ARSJ: variants seen among roughly 807,000 people sequenced by gnomAD.
The protein encoded by ARSJ is arylsulfatase J.
ARSJ carries 26 observed loss-of-function variants against 35.9 expected under a neutral mutation model. The ratio of observed to expected loss-of-function variants is 0.72; its 90% CI spans 0.53 to 1.00. The LOEUF is 1.00. Among genes scored for constraint, ARSJ ranks in the 50% least tolerant of loss-of-function variants. The pLI, the probability that ARSJ is intolerant of heterozygous loss-of-function variation, is 0.00. For missense variants in ARSJ, 667 were observed against 723.6 expected (o/e 0.92, Z 0.90); for synonymous variants, 294 against 267.6 (o/e 1.10, Z -0.96).
Position 113,979,453 on chromosome 4 carries a change from C to T in ARSJ, c.-619G>A, listed in dbSNP as rs1727802173. On this transcript the variant is annotated 5_prime_UTR_variant, in exon 1 of 2. Coordinates refer to ENST00000315366, the MANE Select transcript of ARSJ (RefSeq NM_024590.4). ...GGCGTTTGCCAATCTCCCCGACACT[C>T]ACCAGGCGGCGAAGTGAGGAAGAAG... 6.6e-6 allele frequency: 1 copy of T among 152,436 alleles called. No individual in the cohort carries two copies. The highest frequency in any genetic ancestry group is 1.5e-5 in the Non-Finnish European group (1 of 68,182). The allele number at this position is 152,436 out of a possible 1,614,324, so 9.4% of individuals were successfully genotyped here.
At chr4:113,936,367 C>A (rs1302577058) in intron 1 of ARSJ, among the ~76,000 whole-genome samples, 1 of 151,568 alleles carries the variant, frequency 6.6e-6, no homozygotes, top group Non-Finnish European at 1.5e-5. Context: ...ATACTAAAAA[C>A]CAGAAAAAGA....
chr4:113,935,645 A>G (rs1379100951), intron 1 of ARSJ, among the ~76,000 whole-genome samples: 1 of 151,926 alleles, frequency 6.6e-6, no homozygotes, highest in Non-Finnish European at 1.5e-5. Flanking sequence ...TTAAAAGGTC[A>G]TTGAATGTAT....
chr4:113,968,237 G>A (rs1004215674), intron 1 of ARSJ, among the ~76,000 whole-genome samples: 1 of 152,102 alleles, frequency 6.6e-6, no homozygotes, highest in African/African-American at 2.4e-5. Context: ...TGTCACATAA[G>A]TTCTTTGCTT....
intron 1 of ARSJ, among the ~76,000 whole-genome samples, chr4:113,968,671 T>G (rs1294296763): frequency 6.6e-6 from 1 of 152,210 alleles, no homozygotes; most frequent in African/African-American, 2.4e-5. Flanking sequence ...TGGAAAATTG[T>G]TGGGAGATTG....
chr4:113,924,056 A>AAT (rs1172585833), intron 1 of ARSJ, among the ~76,000 whole-genome samples: 13 of 91,708 alleles, frequency 1.4e-4, no homozygotes, highest in African/African-American at 4.8e-4. Context: ...AATATATATA[A>AAT]ATATATATAA....
intron 1 of ARSJ, among the ~76,000 whole-genome samples, chr4:113,945,312 T>C (rs1388318861): frequency 2.0e-5 from 3 of 152,018 alleles, no homozygotes; most frequent in African/African-American, 7.2e-5. Flanking sequence ...TTGTTTGTAT[T>C]TTTTTGTAGC....
At chr4:113,924,181 C>A (rs1054736128) in intron 1 of ARSJ, among the ~76,000 whole-genome samples, 1 of 148,980 alleles carries the variant, frequency 6.7e-6, no homozygotes, top group Non-Finnish European at 1.5e-5. Flanking sequence ...AGGCTGTCTG[C>A]GAGCTGAAGA....
At chr4:113,968,290 T>C (rs895306761) in intron 1 of ARSJ, among the ~76,000 whole-genome samples, 20 of 152,184 alleles carry the variant, frequency 1.3e-4, no homozygotes, top group Admixed American at 5.9e-4. Context: ...TATATACATA[T>C]AATATTTATG....
At chr4:113,971,376 A>G (rs1382221654) in intron 1 of ARSJ, among the ~76,000 whole-genome samples, 2 of 152,168 alleles carry the variant, frequency 1.3e-5, no homozygotes, top group Admixed American at 6.5e-5. Flanking sequence ...ACCTTTAAGA[A>G]CAGCTATTTC....
At chr4:113,972,609 A>G (rs993776109) in intron 1 of ARSJ, among the ~76,000 whole-genome samples, 1 of 152,130 alleles carries the variant, frequency 6.6e-6, no homozygotes, top group Admixed American at 6.5e-5. Context: ...TCCTGTGCTC[A>G]AGGGATCCTC....
At chr4:113,944,776 C>T (rs953302272) in intron 1 of ARSJ, among the ~76,000 whole-genome samples, 1 of 152,032 alleles carries the variant, frequency 6.6e-6, no homozygotes, top group Non-Finnish European at 1.5e-5. Context: ...AGTAGAGGTA[C>T]AACTGATTTC....
In ARSJ at chr4:113,902,058, T is replaced by C. The variant is rs2099667251; in HGVS notation, c.*216A>G. ...GCAAGAGAAATAAACATCTCCACTC[T>C]CTCTAAGTGTGGCTTGCAAGAGTAG... On this transcript the variant is annotated 3_prime_UTR_variant, in exon 2 of 2. Transcript: ENST00000315366. 1 of 1,439,306 alleles carries C rather than the reference T, an allele frequency of 6.9e-7. No individual in the cohort carries two copies. The highest frequency in any genetic ancestry group is 1.4e-5 in the African/African-American group (1 of 70,674). 89.2% of individuals were successfully genotyped at this position (1,439,306 alleles called of 1,614,324 possible).
intron 1 of ARSJ, among the ~76,000 whole-genome samples, chr4:113,937,219 T>C (rs1376014702): frequency 2.0e-5 from 3 of 151,944 alleles, no homozygotes; most frequent in African/African-American, 7.2e-5. Flanking sequence ...TTATACTTTT[T>C]CCACCACTTC....
At chr4:113,923,734 T>C (rs1723829264) in intron 1 of ARSJ, among the ~76,000 whole-genome samples, 1 of 151,976 alleles carries the variant, frequency 6.6e-6, no homozygotes, top group Non-Finnish European at 1.5e-5. Flanking sequence ...TTCTTAGTTA[T>C]ATTAGCCATA....
chr4:113,968,499 G>T (rs181133942), intron 1 of ARSJ, among the ~76,000 whole-genome samples: 1 of 152,072 alleles, frequency 6.6e-6, no homozygotes, highest in Admixed American at 6.6e-5. Context: ...AGGAGATGAG[G>T]GTGGTAGAGA....
chr4:113,947,611 G>GAGGGAGGAAGGAAGGGAAAGGA (rs1725579784), intron 1 of ARSJ, among the ~76,000 whole-genome samples: 2 of 148,320 alleles, frequency 1.3e-5, no homozygotes, highest in Non-Finnish European at 3.0e-5. Flanking sequence ...GAGAGAGAGG[G>GAGGGAGGAAGGAAGGGAAAGGA]AGGGAGGAAG....
At chr4:113,924,386 T>C (rs1723921827) in intron 1 of ARSJ, among the ~76,000 whole-genome samples, 1 of 151,864 alleles carries the variant, frequency 6.6e-6, no homozygotes, top group Admixed American at 6.6e-5. Flanking sequence ...GGGTCGGTCT[T>C]TCCCAGCCCA....
chr4:113,978,560 C>G lies in ARSJ; in HGVS notation c.275G>C (p.Gly92Ala). 1 of 1,614,200 alleles carries G rather than the reference C, an allele frequency of 6.2e-7. No individual in the cohort carries two copies. Among genetic ancestry groups the G allele is most frequent in the Admixed American group, 1.7e-5 (1 of 60,026 alleles). ...LADDQGFRDV[G>A]YHGSEIKTPT... is the part of the protein sequence containing the mutation. ...TGTTTTAATCTCAGATCCGTGGTAA[C>G]CCACATCTCTAAATCCCTGATCATC... The change falls in exon 1 of 2, where the codon GGT becomes GCT. Residue 92 changes from glycine to alanine, a missense_variant. Transcript: ENST00000315366.
chr4:113,965,473 C>A (rs1345395509), intron 1 of ARSJ, among the ~76,000 whole-genome samples: 1 of 152,064 alleles, frequency 6.6e-6, no homozygotes, highest in Non-Finnish European at 1.5e-5. Flanking sequence ...AGATACCTTA[C>A]TTCTCTGAGC....
Sources: allele counts gnomAD v4.1 joint callset (sites outside exome capture counted in the v4.1 genomes callset), GRCh38; gene constraint gnomAD v4.1.1; transcripts MANE v1.5; gene names NCBI Gene and HGNC (gene_info 2026-07-23, HGNC 2026-07-21).